Variants in NHSL1 observed in about 807,000 individuals in gnomAD.
NHSL1 encodes the protein NHS-like protein 1.
In NHSL1, 48 loss-of-function variants were observed where a neutral mutation model predicts 95.0. The observed-to-expected ratio is 0.51, with a 90% CI of 0.40 to 0.64. NHSL1 has a LOEUF of 0.64. Among genes scored for constraint, NHSL1 ranks in the 30% least tolerant of loss-of-function variants. The probability of loss-of-function intolerance (pLI) is 0.00; values close to 1 mark genes in which losing one functional copy is unlikely to be tolerated. For synonymous variants in NHSL1, 783 were observed against 833.9 expected (o/e 0.94, Z 1.05); for missense variants, 1,971 against 2,077.7 (o/e 0.95, Z 1.00).
At chr6:138,661,793 C>A (rs1223294940) in intron 1 of NHSL1, among the ~76,000 whole-genome samples, 1 of 152,034 alleles carries the variant, frequency 6.6e-6, no homozygotes, top group Non-Finnish European at 1.5e-5. Context: ...TTGGGACAGG[C>A]AGGTGGCTCA....
intron 1 of NHSL1, among the ~76,000 whole-genome samples, chr6:138,610,660 A>C (rs899793663): frequency 2.6e-5 from 4 of 151,938 alleles, no homozygotes; most frequent in Admixed American, 2.6e-4. Flanking sequence ...CTATCCCGAT[A>C]GTTCCACCCA....
chr6:138,505,652 CAAAAAAAAAAA>C lies in NHSL1; in HGVS notation c.17-9292_17-9282del, dbSNP rs10559023. ...TGGGCGACAGAGCTAGACTCCATTT[CAAAAAAAAAAA>C]AAAAAAAAAAGAATATGAAATATAC... is the stretch of plus-strand genomic sequence containing the variant. On this transcript the variant is annotated intron_variant, in intron 1 of 4. Transcript: ENST00000342260. 2.1e-3 allele frequency among the ~76,000 whole-genome samples: 183 copies of C among 87,702 alleles called. 1 individual carries two copies. The highest frequency in any genetic ancestry group is 7.8e-3 in the Middle Eastern group (1 of 128). 57.5% of individuals were successfully genotyped at this position (87,702 alleles called of 152,430 possible). A position where few individuals can be genotyped will look rare whatever the true frequency, so the allele number is the denominator to read the frequency against.
chr6:138,619,286 C>T (rs747095221), intron 1 of NHSL1, among the ~76,000 whole-genome samples: 33 of 151,872 alleles, frequency 2.2e-4, no homozygotes, highest in Non-Finnish European at 4.4e-4. Flanking sequence ...TGCAGTGAGC[C>T]GAGATCACGC....
At chr6:138,675,065 C>T (rs574255984) in intron 1 of NHSL1, among the ~76,000 whole-genome samples, 16 of 152,036 alleles carry the variant, frequency 1.1e-4, no homozygotes, top group African/African-American at 3.6e-4. Context: ...AAAAAAATCC[C>T]CCAGGAAAAA....
chr6:138,552,967 T>C (rs1245289806), intron 1 of NHSL1, among the ~76,000 whole-genome samples: 1 of 152,200 alleles, frequency 6.6e-6, no homozygotes, highest in Non-Finnish European at 1.5e-5. Flanking sequence ...GGTACCTTTG[T>C]AGTTGATATT....
At chr6:138,526,340 G>A (rs2128312708) in intron 1 of NHSL1, among the ~76,000 whole-genome samples, 1 of 152,204 alleles carries the variant, frequency 6.6e-6, no homozygotes, top group Non-Finnish European at 1.5e-5. Flanking sequence ...AATTAGCCAA[G>A]CCTGGTGGTG....
At chr6:138,509,870 A>T (rs1289372727) in intron 1 of NHSL1, among the ~76,000 whole-genome samples, 2 of 152,224 alleles carry the variant, frequency 1.3e-5, no homozygotes, top group Non-Finnish European at 1.5e-5. Flanking sequence ...CTAAATCAAT[A>T]AGGGGGCAGC....
intron 1 of NHSL1, among the ~76,000 whole-genome samples, chr6:138,676,831 T>G (rs1001153776): frequency 6.6e-6 from 1 of 152,174 alleles, no homozygotes; most frequent in African/African-American, 2.4e-5. Context: ...ATTTTTGTAT[T>G]TTTAGTAGAG....
chr6:138,519,776 T>C (rs1781598883), intron 1 of NHSL1, among the ~76,000 whole-genome samples: 1 of 152,212 alleles, frequency 6.6e-6, no homozygotes, highest in Non-Finnish European at 1.5e-5. Flanking sequence ...GGGCAGTATT[T>C]CCCATTCCCT....
intron 1 of NHSL1, among the ~76,000 whole-genome samples, chr6:138,544,393 G>A (rs1782700763): frequency 6.6e-6 from 1 of 151,566 alleles, no homozygotes; most frequent in Admixed American, 6.6e-5. Context: ...AGAATTAATT[G>A]AATGCTTGAG....
intron 3 of NHSL1, among the ~76,000 whole-genome samples, chr6:138,453,747 C>A (rs1777395544): frequency 6.6e-6 from 1 of 151,840 alleles, no homozygotes; most frequent in Non-Finnish European, 1.5e-5. Context: ...CAGGGTCCTG[C>A]ACATTGCCCA....
upstream of NHSL1, among the ~76,000 whole-genome samples, chr6:138,576,511 G>A (rs1025891236): frequency 1.3e-5 from 2 of 152,108 alleles, no homozygotes; most frequent in African/African-American, 4.8e-5. Context: ...TGTCAAATTC[G>A]AACTTCTGCT....
chr6:138,569,861 T>C (rs1783775014), intron 1 of NHSL1, among the ~76,000 whole-genome samples: 1 of 152,132 alleles, frequency 6.6e-6, no homozygotes, highest in Admixed American at 6.5e-5. Context: ...AAAAATCATA[T>C]TATTCATGCC....
intron 1 of NHSL1, among the ~76,000 whole-genome samples, chr6:138,516,351 C>G: frequency 6.6e-6 from 1 of 152,062 alleles, no homozygotes; most frequent in South Asian, 2.1e-4. Flanking sequence ...TGGGCCTATT[C>G]CTAAAGGTTT....
intron 3 of NHSL1, among the ~76,000 whole-genome samples, chr6:138,467,185 C>T (rs1401262881): frequency 4.0e-5 from 6 of 151,542 alleles, no homozygotes; most frequent in Non-Finnish European, 8.8e-5. Flanking sequence ...GACGGAATCT[C>T]GCTGTCGCCC....
intron 1 of NHSL1, among the ~76,000 whole-genome samples, chr6:138,688,132 A>G (rs1785611442): frequency 1.3e-5 from 2 of 152,040 alleles, no homozygotes; most frequent in Admixed American, 1.3e-4. Flanking sequence ...TTGTATTTTT[A>G]GTAGAGACAG....
chr6:138,501,550 A>G (rs1422309924), upstream of NHSL1, among the ~76,000 whole-genome samples: 1 of 152,146 alleles, frequency 6.6e-6, no homozygotes, highest in African/African-American at 2.4e-5. Context: ...TGTGTAATGA[A>G]TCTCACTGGC....
intron 3 of NHSL1, among the ~76,000 whole-genome samples, chr6:138,465,135 C>T (rs937070208): frequency 1.3e-5 from 2 of 151,726 alleles, no homozygotes; most frequent in Non-Finnish European, 2.9e-5. Flanking sequence ...CCTTCACATT[C>T]ACTCACCACA....
chr6:138,422,613 G>A lies in NHSL1; in HGVS notation c.*1468C>T, dbSNP rs1472693198. The stretch of plus-strand genomic sequence containing the variant: ...TCTAGTTTATTTAACAAATAAAGGA[G>A]TCTAAGTACATGGAAGTTAAGGGAG... On this transcript the variant is annotated 3_prime_UTR_variant, in exon 8 of 8. Coordinates refer to ENST00000343505, the MANE Select transcript of NHSL1 (RefSeq NM_001144060.2). The A allele has an allele frequency of 6.6e-6, 1 of 152,156 alleles. No individual in the cohort carries two copies. Among genetic ancestry groups the A allele is most frequent in the Non-Finnish European group, 1.5e-5 (1 of 68,044 alleles). 9.4% of individuals were successfully genotyped at this position (152,156 alleles called of 1,614,324 possible). A position where few individuals can be genotyped will look rare whatever the true frequency, so the allele number is the denominator to read the frequency against.
Sources: allele counts gnomAD v4.1 joint callset (sites outside exome capture counted in the v4.1 genomes callset), GRCh38; gene constraint gnomAD v4.1.1; transcripts MANE v1.5; gene names NCBI Gene and HGNC (gene_info 2026-07-23, HGNC 2026-07-21).